TP53BP2: variants seen among roughly 807,000 people sequenced by gnomAD.
The protein encoded by TP53BP2 is tumor protein p53 binding protein 2, also known as apoptosis-stimulating of p53 protein 2.
TP53BP2 carries 62 observed loss-of-function variants against 126.2 expected under a neutral mutation model. The observed-to-expected ratio is 0.49, with a 90% CI of 0.40 to 0.61. TP53BP2 has a LOEUF of 0.61. Ranked by LOEUF, TP53BP2 falls within the 20% of genes least tolerant of loss-of-function variation. The pLI, the probability that TP53BP2 is intolerant of heterozygous loss-of-function variation, is 0.00. For missense variants in TP53BP2, 1,215 were observed against 1,402.8 expected, an observed-to-expected ratio of 0.87 and a Z score of 2.14; for synonymous variants, 485 against 502.9, an observed-to-expected ratio of 0.96 and a Z score of 0.48.
chr1:223,823,424 C>T (rs2102875324), intron 1 of TP53BP2, among the ~76,000 whole-genome samples: 2 of 152,292 alleles, frequency 1.3e-5, no homozygotes, highest in East Asian at 3.9e-4. Flanking sequence ...GCAACCAAAG[C>T]TGTTAACTCA....
At chr1:223,807,182 G>A (rs1052937184) in intron 4 of TP53BP2, among the ~76,000 whole-genome samples, 2 of 152,056 alleles carry the variant, frequency 1.3e-5, no homozygotes, top group African/African-American at 4.8e-5. Flanking sequence ...TTTATTTTAA[G>A]TTGCAAGTTT....
chr1:223,838,929 T>C (rs1209348094), intron 1 of TP53BP2, among the ~76,000 whole-genome samples: 3 of 152,086 alleles, frequency 2.0e-5, no homozygotes, highest in African/African-American at 7.2e-5. Flanking sequence ...CACCTCCACA[T>C]CATTTGAAAG....
Position 223,845,801 on chromosome 1 carries a change from A to G in TP53BP2, c.-121T>C, listed in dbSNP as rs1177268877. ...CCTGTTGCGAGGCGGCGGCGGCGGC[A>G]GCGGCGGCGCGCGGGTCCGAAGGGC... On this transcript the variant is annotated 5_prime_UTR_variant, in exon 1 of 18. Coordinates refer to ENST00000343537, the MANE Select transcript of TP53BP2 (RefSeq NM_001031685.3). The G allele has an allele frequency of 6.0e-6, 6 of 996,580 alleles. No individual in the cohort carries two copies. Among genetic ancestry groups the G allele is most frequent in the Non-Finnish European group, 7.7e-6 (6 of 781,164 alleles). 61.7% of individuals were successfully genotyped at this position (996,580 alleles called of 1,614,324 possible).
intron 5 of TP53BP2, among the ~76,000 whole-genome samples, chr1:223,806,305 C>G (rs1213676573): frequency 3.3e-5 from 5 of 152,080 alleles, no homozygotes; most frequent in African/African-American, 1.2e-4. Context: ...TAATCTTGAT[C>G]AGAATCAGGA....
At chr1:223,839,670 T>C (rs1269918125) in intron 1 of TP53BP2, among the ~76,000 whole-genome samples, 1 of 152,230 alleles carries the variant, frequency 6.6e-6, no homozygotes, top group Non-Finnish European at 1.5e-5. Flanking sequence ...CCAACTGCGG[T>C]GGCTCACGCC....
In TP53BP2 at chr1:223,793,323, C is replaced by T. The variant is rs772189118; in HGVS notation, c.2842G>A (p.Val948Ile). The T allele has an allele frequency of 6.2e-7, 1 of 1,605,800 alleles. No individual in the cohort carries two copies. The highest frequency in any genetic ancestry group is 2.2e-5 in the East Asian group (1 of 44,598). ...DSSLEGEFDL[V>I]QRIIYEVDDP... ...CATACCTCATAAATAATTCTCTGTA[C>T]AAGGTCAAATTCTCCCTCCAAAGAC... Residue 948 changes from valine (V) to isoleucine (I), a missense_variant, in exon 14 of 18, where the codon GTA becomes ATA. Val to Ile is a conservative substitution (Grantham distance 29, BLOSUM62 3). Coordinates refer to ENST00000343537, the MANE Select transcript of TP53BP2 (RefSeq NM_001031685.3).
chr1:223,823,918 G>C (rs1229779670), intron 1 of TP53BP2, among the ~76,000 whole-genome samples: 1 of 152,148 alleles, frequency 6.6e-6, no homozygotes, highest in African/African-American at 2.4e-5. Context: ...TGGAAATACA[G>C]AGTATATGCT....
chr1:223,834,331 G>C (rs1289954938), intron 1 of TP53BP2, among the ~76,000 whole-genome samples: 2 of 152,182 alleles, frequency 1.3e-5, no homozygotes, highest in African/African-American at 4.8e-5. Flanking sequence ...CCCCAGAGGA[G>C]AGGCCCAGTA....
At chr1:223,822,299 T>C (rs538382608) in intron 1 of TP53BP2, among the ~76,000 whole-genome samples, 1 of 152,226 alleles carries the variant, frequency 6.6e-6, no homozygotes, top group South Asian at 2.1e-4. Flanking sequence ...TAAGTAGAAA[T>C]GAGTAGCTGT....
intron 15 of TP53BP2, among the ~76,000 whole-genome samples, chr1:223,790,421 G>C (rs1285066561): frequency 6.6e-6 from 1 of 151,742 alleles, no homozygotes; most frequent in East Asian, 1.9e-4. Context: ...AGCCAGGTGT[G>C]GTGGCACACA....
At position 223,802,212 on chromosome 1, in the gene TP53BP2, G is replaced by A; in HGVS notation, c.1129C>T (p.Leu377=). 1 of 1,614,196 alleles carries A rather than the reference G, an allele frequency of 6.2e-7. No individual in the cohort carries two copies. The highest frequency in any genetic ancestry group is 8.5e-7 in the Non-Finnish European group (1 of 1,180,028). Residue 377 remains leucine (L), a synonymous_variant, in exon 9 of 18, where the codon CTG becomes TTG. Coordinates refer to ENST00000343537, the MANE Select transcript of TP53BP2 (RefSeq NM_001031685.3). ...TGAATGACCAAGGAACCATCCGGCAGGGCTGGCTTCACCAGCAATTCAGGC... is the reference window on the plus strand; with the variant it reads ...TGAATGACCAAGGAACCATCCGGCAAGGCTGGCTTCACCAGCAATTCAGGC... ...SRPELLVKPA[L]PDGSLVIQAS...
At chr1:223,799,743 G>T (rs561664131) in intron 11 of TP53BP2, among the ~76,000 whole-genome samples, 156 bp downstream of exon 11, 1 of 152,282 alleles carries the variant, frequency 6.6e-6, no homozygotes, top group Admixed American at 6.5e-5. Flanking sequence ...ACAGACTCAC[G>T]CAAGAGAAAT....
chr1:223,834,542 A>G (rs1322024548), intron 1 of TP53BP2, among the ~76,000 whole-genome samples: 1 of 152,206 alleles, frequency 6.6e-6, no homozygotes, highest in Non-Finnish European at 1.5e-5. Context: ...ATACATTATG[A>G]CACATATACA....
intron 12 of TP53BP2, among the ~76,000 whole-genome samples, chr1:223,797,424 TG>T (rs1449085344): frequency 6.6e-6 from 1 of 151,980 alleles, no homozygotes; most frequent in Non-Finnish European, 1.5e-5. Context: ...TACGTATGTA[TG>T]TTTTTTTTTT....
chr1:223,784,217 T>C lies in TP53BP2; in HGVS notation c.3261A>G (p.Gly1087=). The C allele has an allele frequency of 6.2e-7, 1 of 1,614,164 alleles. No individual in the cohort carries two copies. Among genetic ancestry groups the C allele is most frequent in the South Asian group, 1.1e-5 (1 of 91,080 alleles). The change falls in exon 17 of 18, where the codon GGA becomes GGG. Residue 1087 remains glycine (G), a synonymous_variant. Coordinates refer to ENST00000343537, the MANE Select transcript of TP53BP2 (RefSeq NM_001031685.3). ...QNDDELPMKE[G]DCMTIIHRED... ...CCCTGTGGATGATTGTCATGCAGTC[T>C]CCTTCTTTCATGGGCAGCTCATCAT...
intron 16 of TP53BP2, among the ~76,000 whole-genome samples, chr1:223,788,758 G>T (rs932508836): frequency 6.6e-6 from 1 of 152,120 alleles, no homozygotes; most frequent in African/African-American, 2.4e-5. Flanking sequence ...GATGGTCAAA[G>T]TCATTAACAC....
At chr1:223,792,281 C>A (rs1252487748) in intron 15 of TP53BP2, 108 bp downstream of exon 15, 1 of 1,291,680 alleles carries the variant, frequency 7.7e-7, no homozygotes, top group Non-Finnish European at 1.1e-6. Flanking sequence ...ACAAGCAGCT[C>A]AAGGACATAA....
intron 5 of TP53BP2, among the ~76,000 whole-genome samples, chr1:223,805,178 AC>A (rs1156697874): frequency 6.6e-6 from 1 of 151,998 alleles, no homozygotes; most frequent in Non-Finnish European, 1.5e-5. Context: ...CAAAACAAAA[AC>A]CCTGGCTAAG....
chr1:223,836,495 A>G (rs796861688), intron 1 of TP53BP2, among the ~76,000 whole-genome samples: 22 of 152,312 alleles, frequency 1.4e-4, no homozygotes, highest in African/African-American at 4.6e-4. Context: ...TATCAATGAC[A>G]CAAAAAGGCT....
Sources: gnomAD v4.1 joint callset for allele counts (sites outside exome capture counted in the v4.1 genomes callset) on GRCh38, gnomAD v4.1.1 for gene constraint, MANE v1.5 for transcripts, NCBI Gene and HGNC (gene_info 2026-07-23, HGNC 2026-07-21) for gene names.